The following SLBP variants were observed in gnomAD, a reference collection of about 807,000 sequenced individuals.
The protein encoded by SLBP is histone RNA hairpin-binding protein.
SLBP carries 29 observed loss-of-function variants against 39.2 expected under a neutral mutation model. The observed-to-expected ratio is 0.74, with a 90% CI of 0.55 to 1.01. SLBP has a LOEUF of 1.01. SLBP is among the 50% of genes least tolerant of loss of function. SLBP has a pLI of 0.00. For missense variants in SLBP, 390 were observed against 350.2 expected (o/e 1.11, Z -0.91); for synonymous variants, 129 against 118.7 (o/e 1.09, Z -0.57).
At position 1,712,315 on chromosome 4, in the gene SLBP, G is replaced by A. The variant is rs1716820147; in HGVS notation, c.-127C>T. ...CGCGTCCCCGCGCCGGCGCTCACGA[G>A]CTCTGCGCGCCCCGCCCCCAACCGC... On this transcript the variant is annotated 5_prime_UTR_variant, in exon 1 of 8. Transcript: ENST00000489418. 1.3e-5 allele frequency: 7 copies of A among 524,456 alleles called. No homozygotes were observed. The highest frequency in any genetic ancestry group is 2.1e-5 in the Non-Finnish European group (7 of 333,416). 32.5% of individuals were successfully genotyped at this position (524,456 alleles called of 1,614,324 possible). A position where few individuals can be genotyped will look rare whatever the true frequency, so the allele number is the denominator to read the frequency against.
rs1296698161 is a variant in SLBP, at chr4:1,711,977, CG to C, written c.72del (p.Ala25ArgfsTer60). 2.3e-6 allele frequency: 3 copies of C among 1,296,580 alleles called. No homozygotes were observed. Among genetic ancestry groups the C allele is most frequent in the South Asian group, 2.2e-5 (1 of 45,770 alleles). 80.3% of individuals were successfully genotyped at this position (1,296,580 alleles called of 1,614,324 possible). ...CGCTTCCGTCCCAGGCTCCATCGCG[CG>C]GGGGACGGCGGGCTGCGGGGAGGGA... is the stretch of plus-strand genomic sequence containing the variant. ...RCDGDASPPSPARWSLGRKRR... is the reference protein window; with the variant it reads ...RCDGDASPPSXARWSLGRKRR... On this transcript the variant is annotated frameshift_variant, in exon 2 of 8. Transcript: ENST00000489418. LOFTEE classifies it high-confidence loss of function.
At chr4:1,696,666 G>A (rs1716116230) in intron 5 of SLBP, among the ~76,000 whole-genome samples, 1 of 152,124 alleles carries the variant, frequency 6.6e-6, no homozygotes, top group South Asian at 2.1e-4. Flanking sequence ...GGGAGGCCAA[G>A]GTGGGTGGAT....
At chr4:1,707,977 GC>G (rs1716585075) in intron 2 of SLBP, among the ~76,000 whole-genome samples, 1 of 151,844 alleles carries the variant, frequency 6.6e-6, no homozygotes, top group South Asian at 2.1e-4. Context: ...TACTCAGGAG[GC>G]TGAGGCAGGA....
intron 2 of SLBP, among the ~76,000 whole-genome samples, chr4:1,706,300 G>C (rs980567347): frequency 1.3e-5 from 2 of 152,006 alleles, no homozygotes; most frequent in Non-Finnish European, 2.9e-5. Context: ...ATAAAATACA[G>C]AATAGCTAGC....
At chr4:1,702,855 A>C (rs79717087) in intron 3 of SLBP, among the ~76,000 whole-genome samples, 1 of 152,182 alleles carries the variant, frequency 6.6e-6, no homozygotes, top group African/African-American at 2.4e-5. Context: ...CCAAGTGTCA[A>C]TGTATTCCTT....
intron 2 of SLBP, among the ~76,000 whole-genome samples, chr4:1,704,342 T>C (rs149114738): frequency 1.3e-5 from 2 of 152,316 alleles, no homozygotes; most frequent in African/African-American, 2.4e-5. Context: ...CCTTATCTCA[T>C]TGATCCAACA....
At chr4:1,698,291 G>A (rs1056192099) in intron 5 of SLBP, among the ~76,000 whole-genome samples, 10 of 151,194 alleles carry the variant, frequency 6.6e-5, no homozygotes, top group Admixed American at 1.3e-4. Context: ...TTGAAATTGC[G>A]CCACTGCACT....
At chr4:1,699,827 C>A in intron 4 of SLBP, 126 bp from the exon 5 acceptor site, 1 of 956,040 alleles carries the variant, frequency 1.0e-6, no homozygotes, top group South Asian at 1.5e-5. Flanking sequence ...CATATGAATC[C>A]TAAATAGTCC....
intron 2 of SLBP, among the ~76,000 whole-genome samples, chr4:1,709,304 T>C (rs1205707875): frequency 6.6e-6 from 1 of 152,154 alleles, no homozygotes; most frequent in Non-Finnish European, 1.5e-5. Flanking sequence ...GCCATAAAAA[T>C]ATGGCACAGT....
At chr4:1,698,494 G>C (rs910282358) in intron 5 of SLBP, among the ~76,000 whole-genome samples, 3 of 143,810 alleles carry the variant, frequency 2.1e-5, no homozygotes, top group African/African-American at 7.6e-5. Context: ...AAAAAAAATT[G>C]TTTTTTTTGA....
At chr4:1,697,527 AAAAAAATT>A (rs1716157335) in intron 5 of SLBP, among the ~76,000 whole-genome samples, 1 of 151,994 alleles carries the variant, frequency 6.6e-6, no homozygotes, top group East Asian at 1.9e-4. Context: ...AAATATGTTT[AAAAAAATT>A]AAAAAATTAA....
At chr4:1,706,165 G>A (rs879342209) in intron 2 of SLBP, among the ~76,000 whole-genome samples, 24 of 152,058 alleles carry the variant, frequency 1.6e-4, no homozygotes, top group Non-Finnish European at 3.1e-4. Flanking sequence ...CGCACCAGTA[G>A]GCCCCAGCTA....
At chr4:1,710,325 C>T (rs1359718416) in intron 2 of SLBP, among the ~76,000 whole-genome samples, 1 of 152,244 alleles carries the variant, frequency 6.6e-6, no homozygotes, top group African/African-American at 2.4e-5. Flanking sequence ...TCACAACTTC[C>T]CATGCCTAGC....
intron 3 of SLBP, among the ~76,000 whole-genome samples, chr4:1,703,097 C>T (rs1030896661): frequency 2.2e-4 from 34 of 151,854 alleles, no homozygotes; most frequent in Non-Finnish European, 3.2e-4. Context: ...ATTAGCCAGG[C>T]GTGGTGGCCT....
At chr4:1,706,892 G>A (rs955271475) in intron 2 of SLBP, among the ~76,000 whole-genome samples, 3 of 151,830 alleles carry the variant, frequency 2.0e-5, no homozygotes, top group Admixed American at 1.3e-4. Context: ...CAGCACTTTG[G>A]GAGGCCGAGG....
intron 6 of SLBP, among the ~76,000 whole-genome samples, chr4:1,695,207 G>A (rs1405394312): frequency 1.3e-5 from 2 of 152,188 alleles, no homozygotes; most frequent in Non-Finnish European, 1.5e-5. Context: ...GGACAATGGT[G>A]TCACACTGGG....
rs1716812583 is a variant in SLBP, at chr4:1,712,248, G to A, written c.-60C>T. The stretch of plus-strand genomic sequence containing the variant: ...GGCTGAGGCGGCGGCGGCGCGGGCA[G>A]AGAGCGCAGAGTAGAGCAGGGCAGG... On this transcript the variant is annotated 5_prime_UTR_variant, in exon 1 of 8. Transcript: ENST00000489418. 2.8e-6 allele frequency: 3 copies of A among 1,081,192 alleles called. No homozygotes were observed. Among genetic ancestry groups the A allele is most frequent in the Non-Finnish European group, 3.6e-6 (3 of 831,956 alleles). 67.0% of individuals were successfully genotyped at this position (1,081,192 alleles called of 1,614,324 possible).
Position 1,699,566 on chromosome 4 carries a change from T to C in SLBP, c.477A>G (p.Pro159=), listed in dbSNP as rs763823094. 2 of 1,614,012 alleles carry C rather than the reference T, an allele frequency of 1.2e-6. No homozygotes were observed. The highest frequency in any genetic ancestry group is 3.3e-5 in the Admixed American group (2 of 60,022). ...IAYDRYIKEV[P]RHLRQPGIHP... ...ACATGCCACTGAAACAAGACTACCT[T>C]GGGACTTCTTTAATATAACGATCGT... The change falls in exon 5 of 8, where the codon CCA becomes CCG. Residue 159 remains proline, a splice_region_variant and synonymous_variant. Transcript: ENST00000489418.
Position 1,696,317 on chromosome 4 carries a change from G to T in SLBP, c.514C>A (p.Pro172Thr). The T allele has an allele frequency of 6.3e-7, 1 of 1,598,906 alleles. No homozygotes were observed. The highest frequency in any genetic ancestry group is 1.1e-5 in the South Asian group (1 of 88,548). ...LRQPGIHPKT[P>T]NKFKKYSRRS... Reference sequence around the variant, plus strand: ...CGACTATACTTCTTAAATTTATTAGGGGTCTTGGGATGAATGCCAGGTTGT... The same window carrying T: ...CGACTATACTTCTTAAATTTATTAGTGGTCTTGGGATGAATGCCAGGTTGT... The change falls in exon 6 of 8, where the codon CCT becomes ACT. Residue 172 changes from proline to threonine, a missense_variant. By Grantham distance (38) the Pro-to-Thr change is conservative. Transcript: ENST00000489418.
Sources: allele counts gnomAD v4.1 joint callset (sites outside exome capture counted in the v4.1 genomes callset), GRCh38; gene constraint gnomAD v4.1.1; transcripts MANE v1.5; gene names NCBI Gene and HGNC (gene_info 2026-07-23, HGNC 2026-07-21).